The following EPHX2 variants were observed in gnomAD, a reference collection of about 807,000 sequenced individuals.
EPHX2 encodes the protein bifunctional epoxide hydrolase 2.
In EPHX2, 74 loss-of-function variants were observed where a neutral mutation model predicts 78.7. That is an observed-to-expected ratio of 0.94 (90% CI 0.78 to 1.14). The LOEUF (loss-of-function observed/expected upper bound fraction) is 1.14, where lower values mean the gene tolerates loss of function less well. EPHX2 is among the 50% of genes most tolerant of loss of function. The pLI, the probability that EPHX2 is intolerant of heterozygous loss-of-function variation, is 0.00. For missense variants in EPHX2, 715 were observed against 702.5 expected (o/e 1.02, Z -0.20); for synonymous variants, 251 against 255.2 (o/e 0.98, Z 0.16).
chr8:27,494,020 A>G (rs1813482257), intron 1 of EPHX2, among the ~76,000 whole-genome samples: 1 of 152,130 alleles, frequency 6.6e-6, no homozygotes, highest in Non-Finnish European at 1.5e-5. Flanking sequence ...CCAGGGGTGA[A>G]TGGTCATGCA....
chr8:27,522,581 C>A, intron 11 of EPHX2, 73 bp downstream of exon 11: 1 of 1,492,348 alleles, frequency 6.7e-7, no homozygotes, highest in Non-Finnish European at 9.3e-7. Flanking sequence ...TTCCTCAGAT[C>A]TTTAAGCCCA....
chr8:27,540,243 G>C (rs551557075), intron 14 of EPHX2, among the ~76,000 whole-genome samples: 2 of 152,206 alleles, frequency 1.3e-5, no homozygotes, highest in Non-Finnish European at 2.9e-5. Context: ...GGGGCTGGCA[G>C]GGTCTGGGAT....
chr8:27,495,632 T>C (rs1762572473), intron 1 of EPHX2, among the ~76,000 whole-genome samples: 1 of 152,214 alleles, frequency 6.6e-6, no homozygotes, highest in African/African-American at 2.4e-5. Context: ...ACATCATTAG[T>C]AGTCCAGACA....
intron 12 of EPHX2, among the ~76,000 whole-genome samples, chr8:27,528,872 T>C (rs1194421943): frequency 6.6e-6 from 1 of 152,172 alleles, no homozygotes; most frequent in African/African-American, 2.4e-5. Flanking sequence ...CTCGGCTCAC[T>C]ACAACCTCCA....
At chr8:27,538,231 A>G (rs558993418) in intron 13 of EPHX2, among the ~76,000 whole-genome samples, 1 of 152,172 alleles carries the variant, frequency 6.6e-6, no homozygotes, top group South Asian at 2.1e-4. Flanking sequence ...TTTTTTTTCT[A>G]ATCAATTTTT....
chr8:27,536,672 TG>T, intron 12 of EPHX2, 111 bp from the exon 13 acceptor site: 1 of 1,012,520 alleles, frequency 9.9e-7, no homozygotes, highest in South Asian at 1.4e-5. Flanking sequence ...TGATGAAACT[TG>T]GGCTGGATGG....
At chr8:27,499,211 C>G (rs1460594667) in intron 1 of EPHX2, among the ~76,000 whole-genome samples, 1 of 152,152 alleles carries the variant, frequency 6.6e-6, no homozygotes, top group Non-Finnish European at 1.5e-5. Context: ...CCTCATGACC[C>G]AATCACTTCT....
chr8:27,518,767 T>C (rs1022695710), intron 9 of EPHX2, among the ~76,000 whole-genome samples: 2 of 152,244 alleles, frequency 1.3e-5, no homozygotes, highest in Non-Finnish European at 2.9e-5. Context: ...GCGCTGGCTT[T>C]GGCATCTCAG....
At chr8:27,497,088 C>T (rs1358345869) in intron 1 of EPHX2, among the ~76,000 whole-genome samples, 2 of 152,166 alleles carry the variant, frequency 1.3e-5, no homozygotes, top group Non-Finnish European at 2.9e-5. Context: ...GGACAGCCAT[C>T]TGGGGTAGGA....
chr8:27,521,693 C>CAGGG (rs1814653091), intron 10 of EPHX2, among the ~76,000 whole-genome samples: 1 of 152,216 alleles, frequency 6.6e-6, no homozygotes, highest in Admixed American at 6.5e-5. Context: ...GGACAGGGAA[C>CAGGG]AGGGCATGGC....
In EPHX2 at chr8:27,536,863, G is replaced by A; in HGVS notation, c.1242+8G>A. 6.2e-7 allele frequency: 1 copy of A among 1,613,802 alleles called. No homozygotes were observed. The highest frequency in any genetic ancestry group is 8.5e-7 in the Non-Finnish European group (1 of 1,179,934). ...TTCAGAGCAAGCGATGAGGTGAGGG[G>A]TGGGGATGGGTGCAGAAGAACAGGA... On this transcript the variant is annotated splice_region_variant and intron_variant, in intron 13 of 18. Transcript: ENST00000521400.
chr8:27,539,865 G>C (rs937805196), intron 14 of EPHX2, among the ~76,000 whole-genome samples: 1 of 152,224 alleles, frequency 6.6e-6, no homozygotes, highest in East Asian at 1.9e-4. Context: ...GGAATGACCA[G>C]TTCCTGTGCC....
intron 2 of EPHX2, among the ~76,000 whole-genome samples, chr8:27,501,384 CTTCTTCTTCT>C (rs1401065191): frequency 8.8e-4 from 90 of 102,678 alleles, no homozygotes; most frequent in African/African-American, 3.9e-3. Flanking sequence ...TCTTCTTCTT[CTTCTTCTTCT>C]TTCTTCTTTC....
At chr8:27,504,441 A>G (rs1813920447) in intron 3 of EPHX2, among the ~76,000 whole-genome samples, 2 of 152,132 alleles carry the variant, frequency 1.3e-5, no homozygotes, top group Non-Finnish European at 2.9e-5. Context: ...TTCTATGTAC[A>G]CTTCTCTAGT....
intron 16 of EPHX2, among the ~76,000 whole-genome samples, chr8:27,542,910 G>A (rs2132807197): frequency 6.6e-6 from 1 of 152,106 alleles, no homozygotes; most frequent in East Asian, 1.9e-4. Flanking sequence ...CCAAAGTGCT[G>A]GGATGACAGG....
At chr8:27,521,677 T>TGA (rs1318923009) in intron 10 of EPHX2, among the ~76,000 whole-genome samples, 1 of 152,192 alleles carries the variant, frequency 6.6e-6, no homozygotes, top group Non-Finnish European at 1.5e-5. Flanking sequence ...CTTTTGTGTG[T>TGA]GATGGGGACA....
At chr8:27,504,192 G>C (rs573042774) in intron 3 of EPHX2, among the ~76,000 whole-genome samples, 50 of 152,336 alleles carry the variant, frequency 3.3e-4, no homozygotes, top group African/African-American at 1.1e-3. Context: ...ATGAGGTCAA[G>C]TTCATCCATA....
chr8:27,547,722 C>A (rs1315874860), downstream of EPHX2, among the ~76,000 whole-genome samples: 1 of 152,166 alleles, frequency 6.6e-6, no homozygotes, highest in Admixed American at 6.5e-5. Flanking sequence ...CCAACCCTTC[C>A]CAGCCTCCTA....
intron 1 of EPHX2, among the ~76,000 whole-genome samples, chr8:27,495,888 G>T (rs543381403): frequency 7.8e-4 from 119 of 152,204 alleles, no homozygotes; most frequent in African/African-American, 2.8e-3. Flanking sequence ...CTTGTACTAG[G>T]GCCTGCTTTA....
Sources: gnomAD v4.1 joint callset for allele counts (sites outside exome capture counted in the v4.1 genomes callset) on GRCh38, gnomAD v4.1.1 for gene constraint, MANE v1.5 for transcripts, NCBI Gene and HGNC (gene_info 2026-07-23, HGNC 2026-07-21) for gene names.